ERAP2: variants seen among roughly 807,000 people sequenced by gnomAD.
The protein encoded by ERAP2 is leukocyte-derived arginine aminopeptidase.
ERAP2 carries 118 observed loss-of-function variants against 111.1 expected under a neutral mutation model. The ratio of observed to expected loss-of-function variants is 1.06; its 90% CI spans 0.92 to 1.24. The LOEUF is 1.24. Ranked by LOEUF, ERAP2 falls within the 50% of genes most tolerant of loss-of-function variation. The probability of loss-of-function intolerance (pLI) is 0.00; values close to 1 mark genes in which losing one functional copy is unlikely to be tolerated. For synonymous variants in ERAP2, 410 were observed against 401.2 expected (o/e 1.02, Z -0.26); for missense variants, 1,131 against 1,125.8 (o/e 1.00, Z -0.07).
rs1242909816 is a variant in ERAP2, at chr5:96,918,324, A to G, written c.*719A>G. On this transcript the variant is annotated 3_prime_UTR_variant, in exon 19 of 19. Coordinates refer to ENST00000437043, the MANE Select transcript of ERAP2 (RefSeq NM_022350.5). ...TTGCTTAGTATTCTATAGTTTGCCC[A>G]ACCAGTTTTACGTCCAAGGAAAATT... The G allele has an allele frequency of 1.3e-5, 2 of 152,254 alleles. No homozygotes were observed. The highest frequency in any genetic ancestry group is 4.8e-5 in the African/African-American group (2 of 41,448). 9.4% of individuals were successfully genotyped at this position (152,254 alleles called of 1,614,324 possible). A position where few individuals can be genotyped will look rare whatever the true frequency, so the allele number is the denominator to read the frequency against.
Position 96,908,950 on chromosome 5 carries a change from T to C in ERAP2, c.2013-11T>C. The C allele has an allele frequency of 6.2e-7, 1 of 1,609,884 alleles. No homozygotes were observed. The highest frequency in any genetic ancestry group is 8.5e-7 in the Non-Finnish European group (1 of 1,178,480). On this transcript the variant is annotated splice_polypyrimidine_tract_variant and intron_variant, in intron 13 of 18. Transcript: ENST00000437043. ...TATGCACAAACCACTGACATTTGTT[T>C]TATACTTCAGTGCAGGGAGACTGAC...
At chr5:96,906,108 G>T (rs1786047516) in intron 13 of ERAP2, among the ~76,000 whole-genome samples, 1 of 151,848 alleles carries the variant, frequency 6.6e-6, no homozygotes, top group Admixed American at 6.6e-5. Context: ...ATACTATTTA[G>T]TTCTTTAGTG....
intron 10 of ERAP2, among the ~76,000 whole-genome samples, chr5:96,901,152 T>C (rs78651937): frequency 0.015 from 2,312 of 151,238 alleles, 51 homozygotes; most frequent in South Asian, 0.089. Flanking sequence ...TCCTGGATTC[T>C]ACTGTTATTT....
rs766969234 is a variant in ERAP2 at position 96,886,713 on chromosome 5, A to C, written c.773A>C (p.Lys258Thr). 1.9e-6 allele frequency: 3 copies of C among 1,552,740 alleles called. No individual in the cohort carries two copies. The Admixed American group carries it at 5.1e-5, about 27-fold the overall frequency. The change falls in exon 4 of 19, where the codon AAA (lysine) becomes ACA (threonine). Residue 258 changes from lysine (K) to threonine (T), a missense_variant. Lys to Thr is a moderately conservative substitution (Grantham distance 78). Transcript: ENST00000437043. ...GAAGATCACTTTGAAACTACTGTAA[A>C]AATGAGTACATACCTTGTAGCCTAC... ...LLEDHFETTV[K>T]MSTYLVAYIV...
At chr5:96,881,501 T>G in intron 2 of ERAP2, 1 of 456,062 alleles carries the variant, frequency 2.2e-6, no homozygotes. Context: ...TCTGGCTCAG[T>G]GCACTCTCAC....
At chr5:96,903,284 T>C (rs1444744402) in intron 12 of ERAP2, 93 bp from the exon 13 acceptor site, 11 of 1,006,962 alleles carry the variant, frequency 1.1e-5, no homozygotes, top group Non-Finnish European at 1.4e-5. Flanking sequence ...TTCCCATTGA[T>C]TTATAAGTAA....
intron 1 of ERAP2, among the ~76,000 whole-genome samples, chr5:96,877,792 G>T (rs539330902): frequency 3.3e-5 from 5 of 152,146 alleles, no homozygotes; most frequent in African/African-American, 9.6e-5. Flanking sequence ...CTTATCAGAC[G>T]TTCTTGGAAC....
Position 96,892,398 on chromosome 5 carries a change from C to T in ERAP2, c.1070C>T (p.Ser357Phe). Residue 357 changes from serine (S) to phenylalanine (F), a missense_variant, in exon 6 of 19, where the codon TCT (serine) becomes TTT (phenylalanine). Ser to Phe is a radical substitution (Grantham distance 155, BLOSUM62 -2). This residue lies in a region of ERAP2 where 847 missense variants were observed against 856.5 expected (regional missense o/e 0.99). Transcript: ENST00000437043. ...CTGCTTTTTGACCCCAAGACCTCTTCTGCTTCCGATAAACTGTGGGTCACC... is the reference window on the plus strand; with the variant it reads ...CTGCTTTTTGACCCCAAGACCTCTTTTGCTTCCGATAAACTGTGGGTCACC... ...TSLLFDPKTS[S>F]ASDKLWVTRV... 2 of 1,614,080 alleles carry T rather than the reference C, an allele frequency of 1.2e-6. No homozygotes were observed. The highest frequency in any genetic ancestry group is 1.7e-6 in the Non-Finnish European group (2 of 1,179,940).
chr5:96,898,758 A>G (rs1027741634), intron 9 of ERAP2, among the ~76,000 whole-genome samples: 4 of 151,836 alleles, frequency 2.6e-5, no homozygotes, highest in Admixed American at 2.6e-4. Flanking sequence ...AAAACAAACA[A>G]ACAAACAAAA....
chr5:96,883,782 C>A lies in ERAP2; in HGVS notation c.576-10C>A, dbSNP rs1783412692. On this transcript the variant is annotated splice_polypyrimidine_tract_variant and intron_variant, in intron 2 of 18. Transcript: ENST00000437043. ...TTGTGCATTTTGGCTGGGGGTGGGT[C>A]TTTTCACAGAATTCTTGCAGTAACA... 1.3e-5 allele frequency: 21 copies of A among 1,608,164 alleles called. No homozygotes were observed. Among genetic ancestry groups the A allele is most frequent in the Non-Finnish European group, 1.8e-5 (21 of 1,177,818 alleles).
In ERAP2 at chr5:96,909,782, T is replaced by C; in HGVS notation, c.2354+18T>C. 1.2e-6 allele frequency: 2 copies of C among 1,609,464 alleles called. No individual in the cohort carries two copies. The highest frequency in any genetic ancestry group is 8.5e-7 in the Non-Finnish European group (1 of 1,176,448). On this transcript the variant is annotated intron_variant, in intron 15 of 18. Transcript: ENST00000437043. ...AAATTAAAGTAGATGTAGACTTCTG[T>C]CCTACCCTTTGTTCTTTTCTCTTTG... is the stretch of plus-strand genomic sequence containing the variant.
At chr5:96,913,931 G>A (rs1050063809) in intron 17 of ERAP2, among the ~76,000 whole-genome samples, 9 of 152,176 alleles carry the variant, frequency 5.9e-5, no homozygotes, top group African/African-American at 1.4e-4. Flanking sequence ...CCTTGGTTCA[G>A]GTGAAAGAAA....
chr5:96,915,997 T>G, intron 18 of ERAP2: 1 of 340,248 alleles, frequency 2.9e-6, no homozygotes. Context: ...CCAAGGCAGG[T>G]AGATCATGGG....
chr5:96,889,145 A>C (rs1784068208), intron 4 of ERAP2, 40 bp from the exon 5 acceptor site: 1 of 1,610,284 alleles, frequency 6.2e-7, no homozygotes, highest in Non-Finnish European at 8.5e-7. Context: ...TATGCCAGGG[A>C]GCTGTCATTC....
intron 9 of ERAP2, among the ~76,000 whole-genome samples, chr5:96,899,232 T>TGAC (rs1554058124): frequency 6.6e-6 from 1 of 151,540 alleles, no homozygotes; most frequent in African/African-American, 2.4e-5. Context: ...AAAATTTGTC[T>TGAC]TCTAAGTCCA....
intron 15 of ERAP2, among the ~76,000 whole-genome samples, 186 bp from the exon 16 acceptor site, chr5:96,912,449 AAC>A (rs1244639467): frequency 3.9e-5 from 6 of 152,150 alleles, no homozygotes; most frequent in African/African-American, 1.4e-4. Flanking sequence ...TAGGAGATAA[AAC>A]ACAAATAATT....
chr5:96,893,417 G>A (rs764168190), intron 6 of ERAP2, among the ~76,000 whole-genome samples: 3 of 152,178 alleles, frequency 2.0e-5, no homozygotes, highest in Non-Finnish European at 4.4e-5. Context: ...GTTACACAGA[G>A]AGCCATGCTC....
chr5:96,903,262 C>T, intron 12 of ERAP2, 115 bp from the exon 13 acceptor site: 1 of 814,086 alleles, frequency 1.2e-6, no homozygotes, highest in Non-Finnish European at 1.9e-6. Flanking sequence ...ATGACTCTCC[C>T]CAAACTTCAT....
At chr5:96,895,743 GA>G (rs1365531538) in intron 7 of ERAP2, among the ~76,000 whole-genome samples, 15 of 152,320 alleles carry the variant, frequency 9.8e-5, no homozygotes, top group Admixed American at 7.8e-4. Context: ...TACTTTTCTA[GA>G]ATTTCCAAAG....
Sources: gnomAD v4.1 joint callset for allele counts (sites outside exome capture counted in the v4.1 genomes callset) on GRCh38, gnomAD v4.1.1 for gene constraint, gnomAD v4.1.1 regional missense constraint, MANE v1.5 for transcripts, NCBI Gene and HGNC (gene_info 2026-07-23, HGNC 2026-07-21) for gene names.